EPHA4: variants seen among roughly 807,000 people sequenced by gnomAD.
EPHA4 encodes EPH receptor A4, also known as ephrin type-A receptor 4.
EPHA4 carries 19 observed loss-of-function variants against 108.3 expected under a neutral mutation model. The observed-to-expected ratio is 0.18, with a 90% CI of 0.12 to 0.26. The LOEUF is 0.26. Ranked by LOEUF, EPHA4 falls within the 10% of genes least tolerant of loss-of-function variation. The probability of loss-of-function intolerance (pLI) is 1.00; values close to 1 mark genes in which losing one functional copy is unlikely to be tolerated. For synonymous variants in EPHA4, 449 were observed against 455.5 expected (o/e 0.99, Z 0.18); for missense variants, 917 against 1,254.0 (o/e 0.73, Z 4.06).
chr2:221,433,979 T>C lies in EPHA4; in HGVS notation c.2496+163A>G, dbSNP rs193142054. Among the ~76,000 whole-genome samples the C allele has an allele frequency of 4.8e-4, 73 of 152,336 alleles. 1 individual carries two copies. The highest frequency in any genetic ancestry group is 9.7e-4 in the Non-Finnish European group (66 of 68,032). The stretch of plus-strand genomic sequence containing the variant: ...ATTTAATTCTTGTCCTTGAAATCAA[T>C]AGTCATTGGTTGTAATGTTGAACTA... On this transcript the variant is annotated intron_variant, in intron 14 of 17. Coordinates refer to ENST00000281821, the MANE Select transcript of EPHA4 (RefSeq NM_004438.5).
At chr2:221,448,041 C>T (rs58292335) in intron 8 of EPHA4, among the ~76,000 whole-genome samples, 52,441 of 151,748 alleles carry the variant, frequency 0.35, 10,843 homozygotes, top group African/African-American at 0.59. Context: ...AGGGTTTCAC[C>T]ATGTTGGCCA....
intron 3 of EPHA4, among the ~76,000 whole-genome samples, chr2:221,530,058 G>A (rs1313067517): frequency 6.6e-6 from 1 of 152,114 alleles, no homozygotes; most frequent in Non-Finnish European, 1.5e-5. Context: ...CAGTCCAGTA[G>A]GGGCAGGTAA....
chr2:221,493,179 A>G (rs913231326), intron 4 of EPHA4, among the ~76,000 whole-genome samples: 3 of 152,144 alleles, frequency 2.0e-5, no homozygotes, highest in African/African-American at 7.2e-5. Context: ...CCCCATCATT[A>G]TATGATTAGT....
intron 3 of EPHA4, among the ~76,000 whole-genome samples, chr2:221,505,075 A>C (rs1488043680): frequency 6.6e-6 from 1 of 152,078 alleles, no homozygotes; most frequent in Non-Finnish European, 1.5e-5. Context: ...CCCACTTTCC[A>C]GTTCAAGGTC....
Position 221,505,670 on chromosome 2 carries a change from A to G in EPHA4, c.824-4498T>C, listed in dbSNP as rs186347596. Among the ~76,000 whole-genome samples, 975 of 152,286 alleles carry G rather than the reference A, an allele frequency of 6.4e-3. 6 individuals are homozygous for G. Among genetic ancestry groups the G allele is most frequent in the Non-Finnish European group, 9.9e-3 (675 of 68,022 alleles). On this transcript the variant is annotated intron_variant, in intron 3 of 17. Transcript: ENST00000281821. ...GCTACTGAAACACTTAAAATTATCTATGTGGCTTGCATTATATCTCTATCA... is the reference window on the plus strand; with the variant it reads ...GCTACTGAAACACTTAAAATTATCTGTGTGGCTTGCATTATATCTCTATCA...
intron 2 of EPHA4, among the ~76,000 whole-genome samples, 154 bp downstream of exon 2, chr2:221,568,564 G>A (rs1423423033): frequency 6.6e-6 from 1 of 152,110 alleles, no homozygotes; most frequent in African/African-American, 2.4e-5. Context: ...AGGGAGTATA[G>A]GATTTCTCCA....
intron 7 of EPHA4, among the ~76,000 whole-genome samples, chr2:221,456,070 G>T (rs533694943): frequency 4.6e-5 from 7 of 151,848 alleles, no homozygotes; most frequent in Non-Finnish European, 8.8e-5. Context: ...TGACACTAAT[G>T]CTTGTTCATG....
chr2:221,536,531 T>G (rs989957309), intron 3 of EPHA4, among the ~76,000 whole-genome samples: 1 of 152,198 alleles, frequency 6.6e-6, no homozygotes, highest in African/African-American at 2.4e-5. Context: ...GTGATTACAT[T>G]TGGAGACAGA....
intron 5 of EPHA4, among the ~76,000 whole-genome samples, chr2:221,475,306 C>T (rs1379794601): frequency 6.6e-6 from 1 of 152,110 alleles, no homozygotes; most frequent in African/African-American, 2.4e-5. Context: ...ATCTGAGTGC[C>T]AATGGGAAAA....
At position 221,443,572 on chromosome 2, in the gene EPHA4, T is replaced by C; in HGVS notation, c.1809A>G (p.Glu603=). Residue 603 remains glutamate (E), a synonymous_variant, in exon 10 of 18, where the codon GAA becomes GAG. Transcript: ENST00000281821. Reference sequence around the variant, plus strand: ...ACTCTCGCACTGCTTGGTTGGGATCTTCGTACGTAAAGGGGTCCACATATG... The same window carrying C: ...ACTCTCGCACTGCTTGGTTGGGATCCTCGTACGTAAAGGGGTCCACATATG... ...VRTYVDPFTY[E]DPNQAVREFA... The C allele has an allele frequency of 6.2e-7, 1 of 1,613,980 alleles. No homozygotes were observed. The highest frequency in any genetic ancestry group is 8.5e-7 in the Non-Finnish European group (1 of 1,179,936).
chr2:221,435,722 T>C (rs1409875234), intron 13 of EPHA4, among the ~76,000 whole-genome samples: 10 of 152,182 alleles, frequency 6.6e-5, no homozygotes, highest in Admixed American at 6.5e-4. Context: ...TACTTAAAAC[T>C]CTTCACTGTG....
chr2:221,481,375 A>G (rs1691814041), intron 5 of EPHA4, among the ~76,000 whole-genome samples: 1 of 150,878 alleles, frequency 6.6e-6, no homozygotes, highest in Non-Finnish European at 1.5e-5. Flanking sequence ...CAACTATAAA[A>G]GTAGCTGCAA....
At chr2:221,456,031 G>T (rs1252023375) in intron 7 of EPHA4, among the ~76,000 whole-genome samples, 2 of 151,864 alleles carry the variant, frequency 1.3e-5, no homozygotes, top group Non-Finnish European at 2.9e-5. Flanking sequence ...GCCCAATTTG[G>T]GTTCATTGAT....
chr2:221,470,202 G>C (rs1488699833), intron 5 of EPHA4, among the ~76,000 whole-genome samples: 1 of 152,128 alleles, frequency 6.6e-6, no homozygotes, highest in African/African-American at 2.4e-5. Flanking sequence ...TGTGTTCTGT[G>C]CTATTTGGAA....
chr2:221,540,568 T>C (rs1339478433), intron 3 of EPHA4, among the ~76,000 whole-genome samples: 5 of 152,290 alleles, frequency 3.3e-5, no homozygotes, highest in Admixed American at 2.0e-4. Flanking sequence ...ACTGGGAACA[T>C]AGTAAGAAAC....
At chr2:221,426,169 CAGA>C in intron 16 of EPHA4, 27 bp from the exon 17 acceptor site, 5 of 1,589,328 alleles carry the variant, frequency 3.1e-6, no homozygotes, top group Middle Eastern at 1.7e-4. Flanking sequence ...AAAAAAGGGA[CAGA>C]AGAAGTCACA....
At chr2:221,566,881 A>AAGG (rs1280632425) in intron 2 of EPHA4, among the ~76,000 whole-genome samples, 1 of 24,988 alleles carries the variant, frequency 4.0e-5, no homozygotes, top group Non-Finnish European at 6.8e-5. Flanking sequence ...GAAGAAGGAG[A>AAGG]AGGAGAAGGA....
intron 5 of EPHA4, among the ~76,000 whole-genome samples, chr2:221,481,558 G>C (rs1691820711): frequency 6.6e-6 from 1 of 152,214 alleles, no homozygotes; most frequent in African/African-American, 2.4e-5. Flanking sequence ...GGAGGCTGAG[G>C]CAGAAGAATT....
intron 3 of EPHA4, among the ~76,000 whole-genome samples, chr2:221,519,134 T>C (rs529375314): frequency 3.3e-4 from 50 of 152,240 alleles, no homozygotes; most frequent in African/African-American, 1.2e-3. Context: ...TACAATTCAC[T>C]TGGCAAAGGT....
Sources: gnomAD v4.1 joint callset for allele counts (sites outside exome capture counted in the v4.1 genomes callset) on GRCh38, gnomAD v4.1.1 for gene constraint, MANE v1.5 for transcripts, NCBI Gene and HGNC (gene_info 2026-07-23, HGNC 2026-07-21) for gene names.